UBE2N: variants seen among roughly 807,000 people sequenced by gnomAD.
UBE2N encodes the protein ubiquitin conjugating enzyme E2 N.
For synonymous variants in UBE2N, 70 were observed against 69.2 expected, an observed-to-expected ratio of 1.01 and a Z score of -0.06; for missense variants, 60 against 192.1, an observed-to-expected ratio of 0.31 and a Z score of 4.07.
chr12:93,413,454 A>G (rs529784758), intron 1 of UBE2N, among the ~76,000 whole-genome samples: 21 of 152,154 alleles, frequency 1.4e-4, no homozygotes, highest in African/African-American at 4.8e-4. Flanking sequence ...CCCCTAATTC[A>G]TATCTAGCCC....
intron 1 of UBE2N, among the ~76,000 whole-genome samples, chr12:93,439,822 T>C (rs1397486222): frequency 6.6e-6 from 1 of 152,178 alleles, no homozygotes; most frequent in Non-Finnish European, 1.5e-5. Flanking sequence ...CAAATCAAGG[T>C]GTCATTCATT....
chr12:93,412,872 T>C (rs1157462873), intron 1 of UBE2N, among the ~76,000 whole-genome samples: 3 of 152,252 alleles, frequency 2.0e-5, no homozygotes, highest in Admixed American at 6.5e-5. Flanking sequence ...TTAGGCTAAA[T>C]TGTGGGAGCT....
At chr12:93,428,975 A>T (rs1399463200) in intron 1 of UBE2N, among the ~76,000 whole-genome samples, 1 of 152,162 alleles carries the variant, frequency 6.6e-6, no homozygotes, top group Non-Finnish European at 1.5e-5. Context: ...AGTGCACTTT[A>T]TTTGAAAAAG....
chr12:93,422,894 G>C (rs1878460761), intron 1 of UBE2N, among the ~76,000 whole-genome samples: 1 of 151,988 alleles, frequency 6.6e-6, no homozygotes, highest in South Asian at 2.1e-4. Flanking sequence ...GTTGGAGCTG[G>C]GAGATAAGAA....
chr12:93,434,398 A>T (rs1242902347), intron 1 of UBE2N, among the ~76,000 whole-genome samples: 2 of 152,254 alleles, frequency 1.3e-5, no homozygotes, highest in Non-Finnish European at 2.9e-5. Context: ...CATTTAGCAC[A>T]GTGAATACTA....
chr12:93,431,202 T>C (rs1878762280), intron 1 of UBE2N, among the ~76,000 whole-genome samples: 1 of 152,162 alleles, frequency 6.6e-6, no homozygotes. Context: ...ACTCCCAGCC[T>C]GGGCAACAAG....
At chr12:93,440,716 A>C (rs1879074078) in intron 1 of UBE2N, among the ~76,000 whole-genome samples, 1 of 152,236 alleles carries the variant, frequency 6.6e-6, no homozygotes, top group African/African-American at 2.4e-5. Flanking sequence ...TAAATGTGCA[A>C]CTAATTTCCT....
intron 1 of UBE2N, among the ~76,000 whole-genome samples, chr12:93,438,774 A>C (rs1879012074): frequency 6.6e-6 from 1 of 152,326 alleles, no homozygotes; most frequent in South Asian, 2.1e-4. Context: ...GATTTAGTAC[A>C]TATATTGAAA....
chr12:93,421,361 C>G (rs893248409), intron 1 of UBE2N, among the ~76,000 whole-genome samples: 1 of 152,084 alleles, frequency 6.6e-6, no homozygotes, highest in African/African-American at 2.4e-5. Flanking sequence ...ACCACCTCGC[C>G]CAGCTAAATT....
intron 1 of UBE2N, among the ~76,000 whole-genome samples, chr12:93,416,259 C>A (rs574888763): frequency 4.3e-4 from 66 of 152,258 alleles, no homozygotes; most frequent in African/African-American, 1.6e-3. Flanking sequence ...ACCACAGAAA[C>A]TGATGTCAAC....
At chr12:93,440,437 C>A (rs571722283) in intron 1 of UBE2N, among the ~76,000 whole-genome samples, 1 of 152,336 alleles carries the variant, frequency 6.6e-6, no homozygotes, top group African/African-American at 2.4e-5. Flanking sequence ...TCTCTCATTT[C>A]TAAGAATTTC....
At chr12:93,438,933 T>A (rs1465504627) in intron 1 of UBE2N, among the ~76,000 whole-genome samples, 1 of 152,210 alleles carries the variant, frequency 6.6e-6, no homozygotes, top group East Asian at 1.9e-4. Flanking sequence ...CTAATCAAGA[T>A]CCAAATTCTG....
chr12:93,422,150 C>T (rs1878433598), intron 1 of UBE2N, among the ~76,000 whole-genome samples: 1 of 151,922 alleles, frequency 6.6e-6, no homozygotes, highest in Admixed American at 6.6e-5. Flanking sequence ...AAGATGGTGT[C>T]AACTATTCCT....
Position 93,410,102 on chromosome 12 carries a change from GATT to G in UBE2N, c.419-26_419-24del, listed in dbSNP as rs531988917. 617 of 1,609,092 alleles carry G rather than the reference GATT, an allele frequency of 3.8e-4. 5 individuals are homozygous for G. In the East Asian group the frequency reaches 0.012, roughly 31 times the overall value. On this transcript the variant is annotated intron_variant, in intron 3 of 3. Coordinates refer to ENST00000318066, the MANE Select transcript of UBE2N (RefSeq NM_003348.4). Reference sequence around the variant, plus strand: ...TAGCTGTAGACAGAAACAAACATACGATTATTATTTTACTTAGTTCAATATGTT... The same window carrying G: ...TAGCTGTAGACAGAAACAAACATACGATTATTTTACTTAGTTCAATATGTT...
rs1039555024 is a variant in UBE2N, at chr12:93,440,915, T to C, written c.30+940A>G. Among the ~76,000 whole-genome samples the C allele has an allele frequency of 4.0e-5, 6 of 151,068 alleles. 1 individual carries two copies. The highest frequency in any genetic ancestry group is 1.9e-4 in the East Asian group (1 of 5,174). ...CAATTAATAATTAAAACGCACAAAA[T>C]TGAGGGGCAAAAGATTTCACGAGAT... On this transcript the variant is annotated intron_variant, in intron 1 of 3. Transcript: ENST00000318066.
At chr12:93,414,098 T>C (rs1356525790) in intron 1 of UBE2N, among the ~76,000 whole-genome samples, 1 of 150,058 alleles carries the variant, frequency 6.7e-6, no homozygotes, top group African/African-American at 2.5e-5. Flanking sequence ...GAGGCGGAGG[T>C]TGCAGTGAGC....
chr12:93,422,741 T>C (rs2121075902), intron 1 of UBE2N, among the ~76,000 whole-genome samples: 1 of 152,278 alleles, frequency 6.6e-6, no homozygotes, highest in East Asian at 1.9e-4. Flanking sequence ...TTTCATAAAA[T>C]TTTACTTGTT....
At chr12:93,411,981 C>T (rs1400990857) in intron 1 of UBE2N, among the ~76,000 whole-genome samples, 1 of 152,148 alleles carries the variant, frequency 6.6e-6, no homozygotes, top group Non-Finnish European at 1.5e-5. Context: ...TATGGGCCAA[C>T]ACACTCGGCC....
At chr12:93,440,075 AAATAG>A (rs1369785154) in intron 1 of UBE2N, among the ~76,000 whole-genome samples, 1 of 152,240 alleles carries the variant, frequency 6.6e-6, no homozygotes, top group Non-Finnish European at 1.5e-5. Context: ...TCATAATCAA[AAATAG>A]AAAAATGCGT....
Sources: allele counts gnomAD v4.1 joint callset (sites outside exome capture counted in the v4.1 genomes callset), GRCh38; gene constraint gnomAD v4.1.1; transcripts MANE v1.5; gene names NCBI Gene and HGNC (gene_info 2026-07-23, HGNC 2026-07-21).